The following SH3BGRL2 variants were observed in gnomAD, a reference collection of about 807,000 sequenced individuals.
SH3BGRL2 encodes SH3 domain binding glutamate rich protein like 2.
In SH3BGRL2, 21 loss-of-function variants were observed where a neutral mutation model predicts 14.8. The observed-to-expected ratio is 1.42, with a 90% CI of 1.01 to 2.05. The LOEUF (loss-of-function observed/expected upper bound fraction) is 2.05, where lower values mean the gene tolerates loss of function less well. Among genes scored for constraint, SH3BGRL2 ranks in the 30% most tolerant of loss-of-function variants. SH3BGRL2 has a pLI of 0.00. For synonymous variants in SH3BGRL2, 50 were observed against 47.8 expected (o/e 1.05, Z -0.19); for missense variants, 147 against 130.8 (o/e 1.12, Z -0.61).
the SH3BGRL2 span, among the ~76,000 whole-genome samples, chr6:79,538,659 C>T: frequency 1.3e-5 from 2 of 152,244 alleles, no homozygotes; most frequent in South Asian, 2.1e-4. Flanking sequence ...GGGTGGATTA[C>T]TTATAAAGGA....
the SH3BGRL2 span, among the ~76,000 whole-genome samples, chr6:79,551,717 C>T: frequency 6.0e-3 from 913 of 152,282 alleles, 6 homozygotes; most frequent in Middle Eastern, 0.014. Flanking sequence ...AACAAACACA[C>T]GTGTAACATA....
the SH3BGRL2 span, among the ~76,000 whole-genome samples, chr6:79,612,279 C>T: frequency 5.3e-5 from 8 of 152,154 alleles, no homozygotes; most frequent in East Asian, 1.9e-4. Flanking sequence ...CCAGGCCAGG[C>T]AACAGCGTGA....
chr6:79,592,062 A>G, the SH3BGRL2 span, among the ~76,000 whole-genome samples: 1 of 152,210 alleles, frequency 6.6e-6, no homozygotes, highest in Non-Finnish European at 1.5e-5. Context: ...TTATTCCTTC[A>G]GTTACTTCTC....
intron 1 of SH3BGRL2, among the ~76,000 whole-genome samples, chr6:79,673,075 A>T (rs1031069580): frequency 1.3e-5 from 2 of 148,884 alleles, no homozygotes; most frequent in African/African-American, 4.9e-5. Flanking sequence ...CAGATAGTCT[A>T]TACGTGGTTT....
At chr6:79,636,314 C>CTT (rs1414822872) in intron 1 of SH3BGRL2, among the ~76,000 whole-genome samples, 1 of 152,094 alleles carries the variant, frequency 6.6e-6, no homozygotes, top group Non-Finnish European at 1.5e-5. Context: ...ATCAGAGGTA[C>CTT]TTCACATCCT....
chr6:79,631,875 G>C (rs1768833355), intron 1 of SH3BGRL2, among the ~76,000 whole-genome samples: 1 of 152,228 alleles, frequency 6.6e-6, no homozygotes, highest in African/African-American at 2.4e-5. Context: ...GGGACCTTCA[G>C]ACTGGTTATG....
rs149425882 is a variant in SH3BGRL2, at chr6:79,677,332, C to A, written c.231+3533C>A. Among the ~76,000 whole-genome samples the A allele has an allele frequency of 6.8e-4, 103 of 152,290 alleles. 3 individuals carry two copies. The East Asian group carries it at 0.015, about 22-fold the overall frequency. The stretch of plus-strand genomic sequence containing the variant: ...CTAGGCATGTGAGGCATAGAGTAAA[C>A]AGCTGCTAAGCTACTTGGTAACCAG... On this transcript the variant is annotated intron_variant, in intron 2 of 3. Coordinates refer to ENST00000369838, the MANE Select transcript of SH3BGRL2 (RefSeq NM_031469.4).
At chr6:79,567,344 G>A in the SH3BGRL2 span, among the ~76,000 whole-genome samples, 2 of 152,144 alleles carry the variant, frequency 1.3e-5, no homozygotes, top group Non-Finnish European at 1.5e-5. Flanking sequence ...GAAGAAAAAA[G>A]CCAATACACT....
chr6:79,617,133 C>T, the SH3BGRL2 span, among the ~76,000 whole-genome samples: 9 of 151,140 alleles, frequency 6.0e-5, no homozygotes, highest in African/African-American at 2.2e-4. Flanking sequence ...TGTGGTGGGC[C>T]GTCATGGCAC....
At chr6:79,561,884 T>A in the SH3BGRL2 span, among the ~76,000 whole-genome samples, 4 of 152,176 alleles carry the variant, frequency 2.6e-5, no homozygotes, top group Non-Finnish European at 4.4e-5. Context: ...ATTGGGGTAC[T>A]GAACTTTGAG....
chr6:79,657,893 TG>T (rs1769457270), intron 1 of SH3BGRL2, among the ~76,000 whole-genome samples: 1 of 152,226 alleles, frequency 6.6e-6, no homozygotes, highest in African/African-American at 2.4e-5. Context: ...TGATCTGGAA[TG>T]TGAAGGGAAT....
intron 1 of SH3BGRL2, among the ~76,000 whole-genome samples, chr6:79,649,970 C>G (rs1454030631): frequency 1.0e-5 from 1 of 100,124 alleles, no homozygotes; most frequent in Non-Finnish European, 2.1e-5. Flanking sequence ...CTTATGTACT[C>G]TCTCTCTCTC....
At chr6:79,618,227 G>C in the SH3BGRL2 span, among the ~76,000 whole-genome samples, 5 of 152,122 alleles carry the variant, frequency 3.3e-5, no homozygotes, top group Non-Finnish European at 7.4e-5. Context: ...CACTTTCAAG[G>C]GTGGCAAATT....
the SH3BGRL2 span, among the ~76,000 whole-genome samples, chr6:79,573,694 C>T: frequency 6.6e-6 from 1 of 152,264 alleles, no homozygotes. Flanking sequence ...GTCTGCACAA[C>T]TATTGGTAAA....
the SH3BGRL2 span, among the ~76,000 whole-genome samples, chr6:79,616,345 A>G: frequency 2.6e-4 from 40 of 152,320 alleles, no homozygotes; most frequent in Middle Eastern, 3.4e-3. Flanking sequence ...ATACGTGCCC[A>G]TATGAGGTGG....
chr6:79,676,641 A>ATGTG (rs1769890158), intron 2 of SH3BGRL2, among the ~76,000 whole-genome samples: 1 of 100,662 alleles, frequency 9.9e-6, no homozygotes, highest in East Asian at 2.8e-4. Flanking sequence ...GTGTGTGTGT[A>ATGTG]TATATATATA....
chr6:79,569,865 T>C, the SH3BGRL2 span, among the ~76,000 whole-genome samples: 6 of 152,144 alleles, frequency 3.9e-5, no homozygotes, highest in African/African-American at 1.2e-4. Flanking sequence ...TGGTTCCAAT[T>C]ACTGTCTGTA....
At chr6:79,591,307 G>A in the SH3BGRL2 span, among the ~76,000 whole-genome samples, 2 of 152,080 alleles carry the variant, frequency 1.3e-5, no homozygotes, top group Admixed American at 6.6e-5. Context: ...TTTTAAAAAC[G>A]TGGGGCTATT....
the SH3BGRL2 span, among the ~76,000 whole-genome samples, chr6:79,606,639 C>CACATTCCT: frequency 2.0e-5 from 3 of 152,112 alleles, no homozygotes; most frequent in African/African-American, 7.2e-5. Flanking sequence ...ATCAAAAACC[C>CACATTCCT]ACATTCCTAC....
Sources: gnomAD v4.1 joint callset for allele counts (sites outside exome capture counted in the v4.1 genomes callset) on GRCh38, gnomAD v4.1.1 for gene constraint, MANE v1.5 for transcripts, NCBI Gene and HGNC (gene_info 2026-07-23, HGNC 2026-07-21) for gene names.